The following ORC3 variants were observed in gnomAD, a reference collection of about 807,000 sequenced individuals.
The protein encoded by ORC3 is homolog of latheo, Drosophila.
ORC3 carries 78 observed loss-of-function variants against 100.7 expected under a neutral mutation model. The observed-to-expected ratio is 0.77, with a 90% CI of 0.65 to 0.94. The LOEUF (loss-of-function observed/expected upper bound fraction) is 0.94, where lower values mean the gene tolerates loss of function less well. Among genes scored for constraint, ORC3 ranks in the 40% least tolerant of loss-of-function variants. ORC3 has a pLI of 0.00. For synonymous variants in ORC3, 295 were observed against 289.3 expected (o/e 1.02, Z -0.20); for missense variants, 789 against 823.9 (o/e 0.96, Z 0.52).
At chr6:87,598,171 A>G (rs905853543) in intron 2 of ORC3, among the ~76,000 whole-genome samples, 1 of 152,112 alleles carries the variant, frequency 6.6e-6, no homozygotes, top group African/African-American at 2.4e-5. Flanking sequence ...CTACAGGCTC[A>G]TGTCACCTTG....
intron 14 of ORC3, 80 bp from the exon 15 acceptor site, chr6:87,656,826 A>C: frequency 2.3e-6 from 2 of 856,874 alleles, no homozygotes; most frequent in Middle Eastern, 2.4e-4. Flanking sequence ...TGAAACTTTT[A>C]CTTTGGAGTA....
At chr6:87,639,739 G>C (rs1768087588) in intron 13 of ORC3, among the ~76,000 whole-genome samples, 1 of 151,628 alleles carries the variant, frequency 6.6e-6, no homozygotes, top group Non-Finnish European at 1.5e-5. Context: ...CAGCACTTTG[G>C]GAGGCCAAGG....
chr6:87,664,748 A>T lies in ORC3; in HGVS notation c.1839A>T (p.Glu613Asp). The T allele has an allele frequency of 6.2e-7, 1 of 1,612,768 alleles. No homozygotes were observed. Among genetic ancestry groups the T allele is most frequent in the Non-Finnish European group, 8.5e-7 (1 of 1,178,752 alleles). Residue 613 changes from glutamate (E) to aspartate (D), a missense_variant, in exon 18 of 20, where the codon GAA becomes GAT. Transcript: ENST00000392844. ...LNNPYYYLKN[E>D]ALKSEEGCIP... ...AGTTTACTGTTAATTGTTAGAATGA[A>T]GCACTGAAAAGCGAAGAAGGCTGCA...
intron 13 of ORC3, among the ~76,000 whole-genome samples, chr6:87,643,260 G>C (rs7757744): frequency 6.6e-6 from 1 of 152,174 alleles, no homozygotes; most frequent in Non-Finnish European, 1.5e-5. Flanking sequence ...CTGAGATATT[G>C]ATCATTTCAG....
chr6:87,616,355 A>C lies in ORC3; in HGVS notation c.915A>C (p.Lys305Asn). ...TTQFPFKINEKVLQVLTNIFL... is the reference protein window; with the variant it reads ...TTQFPFKINENVLQVLTNIFL... The stretch of plus-strand genomic sequence containing the variant: ...AGTTTCCCTTTAAAATAAATGAAAA[A>C]GTATTACAGGTTCTGACCAACATCT... The change falls in exon 9 of 20, where the codon AAA becomes AAC. Residue 305 changes from lysine to asparagine, a missense_variant. Coordinates refer to ENST00000392844, the MANE Select transcript of ORC3 (RefSeq NM_012381.4). The C allele has an allele frequency of 6.5e-7, 1 of 1,539,410 alleles. No homozygotes were observed. Among genetic ancestry groups the C allele is most frequent in the Non-Finnish European group, 9.0e-7 (1 of 1,112,970 alleles).
chr6:87,653,592 G>A (rs1769442888), intron 14 of ORC3, among the ~76,000 whole-genome samples: 1 of 152,128 alleles, frequency 6.6e-6, no homozygotes, highest in Admixed American at 6.5e-5. Context: ...TCTTTTTAGA[G>A]GTTTTTTCTT....
intron 13 of ORC3, among the ~76,000 whole-genome samples, chr6:87,646,004 T>TTTTC (rs1554251608): frequency 6.7e-6 from 1 of 149,728 alleles, no homozygotes; most frequent in Admixed American, 6.7e-5. Flanking sequence ...TCTTTTTTTT[T>TTTTC]GAGGCGGAGT....
chr6:87,644,010 A>G (rs1333256991), intron 13 of ORC3, among the ~76,000 whole-genome samples: 1 of 151,108 alleles, frequency 6.6e-6, no homozygotes, highest in Admixed American at 6.6e-5. Flanking sequence ...CTACCCCCCA[A>G]AATATTTTCA....
chr6:87,653,370 C>G (rs1769426281), intron 14 of ORC3, 121 bp downstream of exon 14: 1 of 811,944 alleles, frequency 1.2e-6, no homozygotes, highest in African/African-American at 1.7e-5. Flanking sequence ...CATGATCAGT[C>G]AGTATGCCAA....
chr6:87,649,858 A>G (rs572359918), intron 13 of ORC3, among the ~76,000 whole-genome samples: 22 of 152,132 alleles, frequency 1.4e-4, no homozygotes, highest in Non-Finnish European at 2.6e-4. Context: ...TAAAATGTCT[A>G]TTCATTTATT....
At chr6:87,623,799 A>G (rs9450762) in intron 11 of ORC3, among the ~76,000 whole-genome samples, 91,022 of 151,850 alleles carry the variant, frequency 0.6, 27,908 homozygotes, top group African/African-American at 0.72. Context: ...CAGGAGAATC[A>G]CTGGAACCTG....
chr6:87,664,713 T>G, intron 17 of ORC3, 30 bp from the exon 18 acceptor site: 2 of 1,522,372 alleles, frequency 1.3e-6, no homozygotes, highest in Non-Finnish European at 1.8e-6. Context: ...TTATAAAAGT[T>G]AGTCATCTTA....
chr6:87,609,022 A>G (rs1583028538), intron 6 of ORC3, 74 bp from the exon 7 acceptor site: 1 of 1,205,836 alleles, frequency 8.3e-7, no homozygotes, highest in East Asian at 2.6e-5. Context: ...GAGATATGTC[A>G]ACATGTGGCA....
intron 3 of ORC3, among the ~76,000 whole-genome samples, chr6:87,602,972 C>CACATATATTTTAT (rs1398124278): frequency 3.2e-5 from 2 of 62,876 alleles, no homozygotes; most frequent in African/African-American, 1.1e-4. Flanking sequence ...TATATATATA[C>CACATATATTTTAT]ATATATATAT....
intron 13 of ORC3, among the ~76,000 whole-genome samples, chr6:87,652,637 G>A (rs1258707886): frequency 6.6e-6 from 1 of 152,204 alleles, no homozygotes; most frequent in African/African-American, 2.4e-5. Flanking sequence ...CATATCTTCT[G>A]TAGACATTTC....
intron 2 of ORC3, among the ~76,000 whole-genome samples, chr6:87,598,025 T>C (rs1777595158): frequency 6.6e-6 from 1 of 152,192 alleles, no homozygotes; most frequent in South Asian, 2.1e-4. Context: ...ATGTTTACAG[T>C]GTGCCAGACT....
rs1770334642 is a variant in ORC3 at position 87,663,145 on chromosome 6, G to A, written c.1833+1G>A. 1 of 1,607,470 alleles carries A rather than the reference G, an allele frequency of 6.2e-7. No individual in the cohort carries two copies. Among genetic ancestry groups the A allele is most frequent in the Non-Finnish European group, 8.5e-7 (1 of 1,175,454 alleles). The stretch of plus-strand genomic sequence containing the variant: ...CAACAATCCTTACTATTATCTCAAG[G>A]TAAGATGAACATTTAGTTTTCTGAT... On this transcript the variant is annotated splice_donor_variant, in intron 17 of 19. Coordinates refer to ENST00000392844, the MANE Select transcript of ORC3 (RefSeq NM_012381.4). LOFTEE classifies it high-confidence loss of function.
chr6:87,606,712 G>A (rs1778370354), intron 5 of ORC3, among the ~76,000 whole-genome samples: 1 of 151,904 alleles, frequency 6.6e-6, no homozygotes, highest in African/African-American at 2.4e-5. Flanking sequence ...CTACATTGTG[G>A]GGTTTTGTTG....
At chr6:87,601,025 A>G (rs1777858901) in intron 2 of ORC3, among the ~76,000 whole-genome samples, 7 of 152,264 alleles carry the variant, frequency 4.6e-5, no homozygotes, top group Admixed American at 4.6e-4. Flanking sequence ...ACAAAAATAT[A>G]CAGACAGAAT....
Sources: gnomAD v4.1 joint callset for allele counts (sites outside exome capture counted in the v4.1 genomes callset) on GRCh38, gnomAD v4.1.1 for gene constraint, MANE v1.5 for transcripts, NCBI Gene and HGNC (gene_info 2026-07-23, HGNC 2026-07-21) for gene names.